The following DNAJC11 variants were observed in gnomAD, a reference collection of about 807,000 sequenced individuals.
DNAJC11 encodes DnaJ heat shock protein family (Hsp40) member C11, also known as dnaJ homolog subfamily C member 11.
Under a neutral mutation model 78.6 loss-of-function variants are expected in DNAJC11, and 15 were observed. The ratio of observed to expected loss-of-function variants is 0.19; its 90% confidence interval spans 0.13 to 0.29. DNAJC11 has a LOEUF of 0.29. Among genes scored for constraint, DNAJC11 ranks in the 10% least tolerant of loss-of-function variants. DNAJC11 has a pLI of 1.00. For missense variants in DNAJC11, 547 were observed against 709.6 expected (o/e 0.77, Z 2.60); for synonymous variants, 292 against 272.1 (o/e 1.07, Z -0.72).
rs769940891 is a variant in DNAJC11, at chr1:6,645,142, G to A, written c.895-16C>T. On this transcript the variant is annotated splice_polypyrimidine_tract_variant and intron_variant, in intron 8 of 15. Coordinates refer to ENST00000377577, the MANE Select transcript of DNAJC11 (RefSeq NM_018198.4). The surrounding 1 kb of genome is among the most constrained non-coding windows in gnomAD (Gnocchi z 4.1). ...GGATTCCCAGCTGGGGAGACAGAGG[G>A]TGCAAGGATGCGTGGCTAGGGCGTG... 1.2e-6 allele frequency: 2 copies of A among 1,601,366 alleles called. No homozygotes were observed. The highest frequency in any genetic ancestry group is 3.3e-5 in the Admixed American group (2 of 59,902).
chr1:6,676,851 G>A (rs754234504), intron 3 of DNAJC11, among the ~76,000 whole-genome samples: 2 of 152,124 alleles, frequency 1.3e-5, no homozygotes, highest in Non-Finnish European at 2.9e-5. Flanking sequence ...AACTGGAAGA[G>A]ACAGGCACGC....
intron 1 of DNAJC11, among the ~76,000 whole-genome samples, chr1:6,689,333 G>A (rs113380559): frequency 2.6e-5 from 4 of 152,104 alleles, no homozygotes; most frequent in South Asian, 2.1e-4. Context: ...ACGGATCTAC[G>A]GGACAGTTAC....
chr1:6,669,463 A>G (rs571410021), intron 3 of DNAJC11, among the ~76,000 whole-genome samples: 2 of 151,938 alleles, frequency 1.3e-5, no homozygotes, highest in East Asian at 3.9e-4. Flanking sequence ...GTGAGCCAAG[A>G]TCACGCCATT....
intron 1 of DNAJC11, among the ~76,000 whole-genome samples, chr1:6,689,401 T>C (rs778855316): frequency 6.6e-6 from 1 of 151,638 alleles, no homozygotes; most frequent in South Asian, 2.1e-4. Context: ...CGAATATGGG[T>C]TAGGGAGAAA....
At position 6,645,010 on chromosome 1, in the gene DNAJC11, G is replaced by A. The variant is rs542508175; in HGVS notation, c.980+31C>T. On this transcript the variant is annotated intron_variant, in intron 9 of 15. Coordinates refer to ENST00000377577, the MANE Select transcript of DNAJC11 (RefSeq NM_018198.4). The surrounding 1 kb of genome is among the most constrained non-coding windows in gnomAD (Gnocchi z 4.1). ...GTGAAGACCCGCATGCAGTACCAGT[G>A]TGCTTCCATTTTAGCCAGGCCAGGA... 276 of 1,598,442 alleles carry A rather than the reference G, an allele frequency of 1.7e-4. 6 individuals carry two copies. In the South Asian group the frequency reaches 3.0e-3, roughly 17 times the overall value.
chr1:6,701,804 C>T lies in DNAJC11; in HGVS notation c.-4G>A, dbSNP rs774499107. 1.0e-5 allele frequency: 16 copies of T among 1,556,710 alleles called. No individual in the cohort carries two copies. In the South Asian group the frequency reaches 1.4e-4, roughly 14 times the overall value. On this transcript the variant is annotated 5_prime_UTR_variant, in exon 1 of 16. Transcript: ENST00000377577. ...CCTCGCTCAAGGCCGTCGCCATCTT[C>T]GCAACCTTTCACCCCGCCAAACCGG... is the stretch of plus-strand genomic sequence containing the variant.
intron 3 of DNAJC11, chr1:6,670,656 T>C (rs1023298566): frequency 1.3e-5 from 2 of 152,156 alleles, no homozygotes; most frequent in Admixed American, 1.3e-4. Flanking sequence ...AATAAAAAGA[T>C]TGTTAAAATC....
chr1:6,635,817 A>C (rs1389986627), intron 15 of DNAJC11, 117 bp from the exon 16 acceptor site: 4 of 1,267,378 alleles, frequency 3.2e-6, no homozygotes, highest in Non-Finnish European at 4.5e-6. Context: ...GGCGAGGCAG[A>C]GCACCCGCTG....
chr1:6,645,941 G>T lies in DNAJC11; in HGVS notation c.742C>A (p.Arg248Ser). The stretch of plus-strand genomic sequence containing the variant: ...GTGGTCAGGCCGGGTCGGATTCCAC[G>T]GGATGAAAACTGCAGAGCACAGTTT... ...TTNCALQFSS[R>S]GIRPGLTTVL... Residue 248 changes from arginine (R) to serine (S), a missense_variant, in exon 8 of 16, where the codon CGT becomes AGT. Physicochemically the swap from Arg to Ser is moderately radical, Grantham distance 110. Transcript: ENST00000377577. The surrounding 1 kb of genome is among the most constrained non-coding windows in gnomAD (Gnocchi z 4.1). The T allele has an allele frequency of 6.2e-7, 1 of 1,614,142 alleles. No homozygotes were observed. The highest frequency in any genetic ancestry group is 1.3e-5 in the African/African-American group (1 of 75,030).
chr1:6,639,921 G>C lies in DNAJC11; in HGVS notation c.1234C>G (p.Leu412Val). 1 of 1,613,738 alleles carries C rather than the reference G, an allele frequency of 6.2e-7. No homozygotes were observed. The part of the protein sequence containing the change: ...AMHRLIIKPY[L>V]RAQKEKELEK... The stretch of plus-strand genomic sequence containing the variant: ...ACTCACTTCTCTTTCTGAGCCCTGA[G>C]GTATGGTTTGATGATCAGACGGTGC... Residue 412 changes from leucine to valine, a missense_variant, in exon 11 of 16, where the codon CTC (leucine) becomes GTC (valine). Transcript: ENST00000377577.
At chr1:6,649,032 G>A (rs891323879) in intron 7 of DNAJC11, among the ~76,000 whole-genome samples, 2 of 149,956 alleles carry the variant, frequency 1.3e-5, no homozygotes, top group Admixed American at 6.6e-5. Context: ...TTGCTCTGTC[G>A]CCTAGGCTGG....
At chr1:6,660,050 T>C (rs813373) in intron 4 of DNAJC11, among the ~76,000 whole-genome samples, 131,727 of 149,278 alleles carry the variant, frequency 0.88, 58,457 homozygotes, top group Admixed American at 0.94. Context: ...AGCAAGACTC[T>C]GTCTCAAAAA....
At chr1:6,654,712 A>G (rs1232351594) in intron 4 of DNAJC11, among the ~76,000 whole-genome samples, 3 of 152,056 alleles carry the variant, frequency 2.0e-5, no homozygotes, top group African/African-American at 7.2e-5. Context: ...ATATAAAACC[A>G]TGGCCACACA....
At chr1:6,664,721 ATG>A (rs1474964920) in intron 4 of DNAJC11, among the ~76,000 whole-genome samples, 1 of 152,134 alleles carries the variant, frequency 6.6e-6, no homozygotes, top group Non-Finnish European at 1.5e-5. Context: ...CATCTATTTC[ATG>A]TGTTTTCAGT....
At chr1:6,698,577 T>C (rs1004133952) in intron 1 of DNAJC11, among the ~76,000 whole-genome samples, 1 of 150,952 alleles carries the variant, frequency 6.6e-6, no homozygotes, top group Non-Finnish European at 1.5e-5. Context: ...ATTTAACCTA[T>C]AGCCATATAG....
intron 1 of DNAJC11, among the ~76,000 whole-genome samples, chr1:6,694,667 TA>T (rs1260319236): frequency 3.3e-5 from 5 of 151,856 alleles, no homozygotes; most frequent in Non-Finnish European, 5.9e-5. Flanking sequence ...CCCAGCTAAT[TA>T]AAAAAAATTT....
chr1:6,683,963 C>A (rs773943093), intron 1 of DNAJC11, among the ~76,000 whole-genome samples: 1 of 152,160 alleles, frequency 6.6e-6, no homozygotes, highest in Non-Finnish European at 1.5e-5. Flanking sequence ...ACCACCTATA[C>A]CAAACCCTGG....
chr1:6,660,784 C>A (rs1283151651), intron 4 of DNAJC11, among the ~76,000 whole-genome samples: 1 of 152,164 alleles, frequency 6.6e-6, no homozygotes, highest in Non-Finnish European at 1.5e-5. Flanking sequence ...GTTCACTGGG[C>A]TCTTTTAGAA....
rs1641799170 is a variant in DNAJC11, at chr1:6,637,459, C to G, written c.1369G>C (p.Glu457Gln). 1 of 1,614,130 alleles carries G rather than the reference C, an allele frequency of 6.2e-7. No individual in the cohort carries two copies. Among genetic ancestry groups the G allele is most frequent in the Non-Finnish European group, 8.5e-7 (1 of 1,180,048 alleles). ...CACATGTTCTCACCCATTCTGGACT[C>G]TTCTGCCTCAATTATCCTTCGGACA... Reference protein sequence around the residue: ...ESVRRIIEAEESRMGLIIVNA... With the variant: ...ESVRRIIEAEQSRMGLIIVNA... Residue 457 changes from glutamate to glutamine, a missense_variant, in exon 13 of 16, where the codon GAG becomes CAG. By Grantham distance (29) the Glu-to-Gln change is conservative. Coordinates refer to ENST00000377577, the MANE Select transcript of DNAJC11 (RefSeq NM_018198.4).
Sources: gnomAD v4.1 joint callset for allele counts (sites outside exome capture counted in the v4.1 genomes callset) on GRCh38, gnomAD v4.1.1 for gene constraint, Gnocchi (gnomAD v3.1) non-coding constraint, MANE v1.5 for transcripts, NCBI Gene and HGNC (gene_info 2026-07-23, HGNC 2026-07-21) for gene names.